The following ALDOC variants were observed in gnomAD, a reference collection of about 807,000 sequenced individuals.
The protein encoded by ALDOC is aldolase, fructose-bisphosphate C.
ALDOC carries 23 observed loss-of-function variants against 39.5 expected under a neutral mutation model. That is an observed-to-expected ratio of 0.58 (90% CI 0.42 to 0.82). The LOEUF (loss-of-function observed/expected upper bound fraction) is 0.82, where lower values mean the gene tolerates loss of function less well. Among genes scored for constraint, ALDOC ranks in the 40% least tolerant of loss-of-function variants. ALDOC has a pLI of 0.00. For missense variants in ALDOC, 356 were observed against 479.1 expected (o/e 0.74, Z 2.40); for synonymous variants, 160 against 182.6 (o/e 0.88, Z 1.00).
Position 28,575,791 on chromosome 17 carries a change from TG to T in ALDOC, c.-12-248del. The T allele has an allele frequency of 1.7e-6, 1 of 586,602 alleles. No individual in the cohort carries two copies. The highest frequency in any genetic ancestry group is 2.8e-6 in the Non-Finnish European group (1 of 361,692). 36.3% of individuals were successfully genotyped at this position (586,602 alleles called of 1,614,324 possible). On this transcript the variant is annotated intron_variant, in intron 1 of 8. Transcript: ENST00000226253. This position sits in a 1 kb window ranked among gnomAD's most constrained non-coding sequence, Gnocchi z 4.3. Reference sequence around the variant, plus strand: ...CCTGGGGAAAGATGCAGGGTGGGGGTGGGGAGGTGAGCAGCCCTGAAGCCAC... The same window carrying T: ...CCTGGGGAAAGATGCAGGGTGGGGGTGGGAGGTGAGCAGCCCTGAAGCCAC...
Position 28,573,490 on chromosome 17 carries a change from A to G in ALDOC, c.*36T>C. Reference sequence around the variant, plus strand: ...TGACTACAAGCAAAAGTGGGTGCAGATGGCTGGGCCAAGGGCTGTGGTATG... The same window carrying G: ...TGACTACAAGCAAAAGTGGGTGCAGGTGGCTGGGCCAAGGGCTGTGGTATG... On this transcript the variant is annotated 3_prime_UTR_variant, in exon 9 of 9. Coordinates refer to ENST00000226253, the MANE Select transcript of ALDOC (RefSeq NM_005165.3). The surrounding 1 kb of genome is among the most constrained non-coding windows in gnomAD (Gnocchi z 4.3). 3 of 1,603,970 alleles carry G rather than the reference A, an allele frequency of 1.9e-6. No homozygotes were observed. The highest frequency in any genetic ancestry group is 2.2e-5 in the South Asian group (2 of 90,912).
Position 28,574,833 on chromosome 17 carries a change from A to G in ALDOC, c.403T>C (p.Cys135Arg), listed in dbSNP as rs770178251. 1 of 1,614,232 alleles carries G rather than the reference A, an allele frequency of 6.2e-7. No individual in the cohort carries two copies. The highest frequency in any genetic ancestry group is 1.7e-5 in the Admixed American group (1 of 60,024). ...GCACCATCCTTCTTGTATTGGGCACAGCGTTCTGAGAGCCCATCCAGCCCT... is the reference window on the plus strand; with the variant it reads ...GCACCATCCTTCTTGTATTGGGCACGGCGTTCTGAGAGCCCATCCAGCCCT... ...TQGLDGLSER[C>R]AQYKKDGADF... is the part of the protein sequence containing the mutation. Residue 135 changes from cysteine to arginine, a missense_variant, in exon 5 of 9, where the codon TGT (cysteine) becomes CGT (arginine). Coordinates refer to ENST00000226253, the MANE Select transcript of ALDOC (RefSeq NM_005165.3).
rs943722717 is a variant in ALDOC, at chr17:28,573,959, C to T, written c.800-25G>A. On this transcript the variant is annotated intron_variant, in intron 7 of 8. Transcript: ENST00000226253. This position sits in a 1 kb window ranked among gnomAD's most constrained non-coding sequence, Gnocchi z 4.3. ...CCTAGTGTGGAGGAGAGAAGACAAA[C>T]TGACTGGTCACTCCCAATTTTTCCA... is the stretch of plus-strand genomic sequence containing the variant. 3.1e-6 allele frequency: 5 copies of T among 1,613,540 alleles called. No individual in the cohort carries two copies. Among genetic ancestry groups the T allele is most frequent in the Non-Finnish European group, 4.2e-6 (5 of 1,179,714 alleles).
Position 28,575,922 on chromosome 17 carries a change from C to T in ALDOC, c.-12-378G>A. 1 of 1,035,360 alleles carries T rather than the reference C, an allele frequency of 9.7e-7. No individual in the cohort carries two copies. The highest frequency in any genetic ancestry group is 1.2e-6 in the Non-Finnish European group (1 of 852,028). 64.1% of individuals were successfully genotyped at this position (1,035,360 alleles called of 1,614,324 possible). ...AAAAGTCCTGGCCTTTCCAGCTTCC[C>T]TTTTCTCATCCTCCACAGGACCCCT... is the stretch of plus-strand genomic sequence containing the variant. On this transcript the variant is annotated intron_variant, in intron 1 of 8. Transcript: ENST00000226253. This position sits in a 1 kb window ranked among gnomAD's most constrained non-coding sequence, Gnocchi z 4.3.
rs919757372 is a variant in ALDOC at position 28,573,486 on chromosome 17, G to A, written c.*40C>T. The A allele has an allele frequency of 4.4e-6, 7 of 1,592,686 alleles. No homozygotes were observed. The East Asian group carries it at 8.9e-5, about 20-fold the overall frequency. On this transcript the variant is annotated 3_prime_UTR_variant, in exon 9 of 9. Coordinates refer to ENST00000226253, the MANE Select transcript of ALDOC (RefSeq NM_005165.3). This position sits in a 1 kb window ranked among gnomAD's most constrained non-coding sequence, Gnocchi z 4.3. ...GCCATGACTACAAGCAAAAGTGGGT[G>A]CAGATGGCTGGGCCAAGGGCTGTGG...
chr17:28,573,364 C>A lies in ALDOC; in HGVS notation c.*162G>T. 1.5e-6 allele frequency: 1 copy of A among 688,772 alleles called. No individual in the cohort carries two copies. Among genetic ancestry groups the A allele is most frequent in the Non-Finnish European group, 2.6e-6 (1 of 384,050 alleles). 42.7% of individuals were successfully genotyped at this position (688,772 alleles called of 1,614,324 possible). Reference sequence around the variant, plus strand: ...CTCCCTATCCTCCCATCCTATGGTCCCAGGTGCAGCAATGAGAGAGGGGAA... The same window carrying A: ...CTCCCTATCCTCCCATCCTATGGTCACAGGTGCAGCAATGAGAGAGGGGAA... On this transcript the variant is annotated 3_prime_UTR_variant, in exon 9 of 9. Transcript: ENST00000226253. This position sits in a 1 kb window ranked among gnomAD's most constrained non-coding sequence, Gnocchi z 4.3.
In ALDOC at chr17:28,575,464, A is replaced by G; in HGVS notation, c.69T>C (p.Ile23=). Residue 23 remains isoleucine, a synonymous_variant, in exon 2 of 9, where the codon ATT becomes ATC. Coordinates refer to ENST00000226253, the MANE Select transcript of ALDOC (RefSeq NM_005165.3). This position sits in a 1 kb window ranked among gnomAD's most constrained non-coding sequence, Gnocchi z 4.3. ...CCAGAATGCCTTTGCCCGGGGCTAC[A>G]ATCCGCAGGGCAATGTCAGACAACT... is the stretch of plus-strand genomic sequence containing the variant. ...KKELSDIALR[I]VAPGKGILAA... 1.9e-6 allele frequency: 3 copies of G among 1,614,250 alleles called. No individual in the cohort carries two copies. Among genetic ancestry groups the G allele is most frequent in the Non-Finnish European group, 2.5e-6 (3 of 1,180,046 alleles).
rs1486328663 is a variant in ALDOC at position 28,573,654 on chromosome 17, G to A, written c.1000-33C>T. On this transcript the variant is annotated intron_variant, in intron 8 of 8. Transcript: ENST00000226253. This position sits in a 1 kb window ranked among gnomAD's most constrained non-coding sequence, Gnocchi z 4.3. ...AGGGAGCGTGGAGTAAGCAGGCTGA[G>A]CCAGCCCACAGGTGCCAAGCCCTGC... 6.2e-7 allele frequency: 1 copy of A among 1,613,862 alleles called. No homozygotes were observed.
chr17:28,574,280 C>T, intron 6 of ALDOC, 39 bp from the exon 7 acceptor site: 1 of 1,561,012 alleles, frequency 6.4e-7, no homozygotes, highest in Non-Finnish European at 8.7e-7. Flanking sequence ...AGGGTCTGGG[C>T]CCCCACTGGT....
chr17:28,574,890 C>A, intron 4 of ALDOC, 34 bp from the exon 5 acceptor site: 1 of 1,614,176 alleles, frequency 6.2e-7, no homozygotes. Flanking sequence ...TTACTCTGCC[C>A]CTCTTTTACC....
In ALDOC at chr17:28,574,822, G is replaced by A; in HGVS notation, c.414C>T (p.Tyr138=). The change falls in exon 5 of 9, where the codon TAC becomes TAT. Residue 138 remains tyrosine, a synonymous_variant. Coordinates refer to ENST00000226253, the MANE Select transcript of ALDOC (RefSeq NM_005165.3). ...LDGLSERCAQ[Y]KKDGADFAKW... ...TGGCAAAGTCAGCACCATCCTTCTT[G>A]TATTGGGCACAGCGTTCTGAGAGCC... The A allele has an allele frequency of 2.5e-6, 4 of 1,614,206 alleles. No individual in the cohort carries two copies. Among genetic ancestry groups the A allele is most frequent in the Non-Finnish European group, 3.4e-6 (4 of 1,180,034 alleles).
intron 4 of ALDOC, 33 bp from the exon 5 acceptor site, chr17:28,574,889 C>G (rs765076877): frequency 5.6e-6 from 9 of 1,614,162 alleles, no homozygotes; most frequent in East Asian, 2.2e-5. Flanking sequence ...ATTACTCTGC[C>G]CCTCTTTTAC....
chr17:28,576,724 C>A (rs1299456995), intron 1 of ALDOC, 77 bp downstream of exon 1: 1 of 927,376 alleles, frequency 1.1e-6, no homozygotes, highest in African/African-American at 1.8e-5. Context: ...TCCCAGGTAG[C>A]AGGACGAGGA....
Position 28,573,359 on chromosome 17 carries a change from T to A in ALDOC, c.*167A>T. The A allele has an allele frequency of 1.5e-6, 1 of 672,644 alleles. No individual in the cohort carries two copies. The highest frequency in any genetic ancestry group is 2.6e-5 in the East Asian group (1 of 38,070). 41.7% of individuals were successfully genotyped at this position (672,644 alleles called of 1,614,324 possible). A position where few individuals can be genotyped will look rare whatever the true frequency, so the allele number is the denominator to read the frequency against. On this transcript the variant is annotated 3_prime_UTR_variant, in exon 9 of 9. Coordinates refer to ENST00000226253, the MANE Select transcript of ALDOC (RefSeq NM_005165.3). The surrounding 1 kb of genome is among the most constrained non-coding windows in gnomAD (Gnocchi z 4.3). ...AGGGGCTCCCTATCCTCCCATCCTA[T>A]GGTCCCAGGTGCAGCAATGAGAGAG...
At position 28,573,731 on chromosome 17, in the gene ALDOC, C is replaced by T. The variant is rs2070453970; in HGVS notation, c.999+4G>A. 5.6e-6 allele frequency: 9 copies of T among 1,614,168 alleles called. 1 individual carries two copies. The South Asian group carries it at 8.8e-5, about 16-fold the overall frequency. ...CCCACCCACCACCACCTGTAGCTCC[C>T]AACCTCAGCCCGCTTGATGAACTCC... On this transcript the variant is annotated splice_donor_region_variant and intron_variant, in intron 8 of 8. Transcript: ENST00000226253. The surrounding 1 kb of genome is among the most constrained non-coding windows in gnomAD (Gnocchi z 4.3).
At chr17:28,574,270 A>G (rs2070460837) in intron 6 of ALDOC, 29 bp from the exon 7 acceptor site, 2 of 1,568,554 alleles carry the variant, frequency 1.3e-6, no homozygotes, top group African/African-American at 1.4e-5. Context: ...AGGTTTACTA[A>G]GGGTCTGGGC....
At position 28,576,847 on chromosome 17, in the gene ALDOC, T is replaced by G. The variant is rs945882548; in HGVS notation, c.-59A>C. 2 of 985,476 alleles carry G rather than the reference T, an allele frequency of 2.0e-6. No individual in the cohort carries two copies. Among genetic ancestry groups the G allele is most frequent in the South Asian group, 4.7e-5 (1 of 21,288 alleles). 61.0% of individuals were successfully genotyped at this position (985,476 alleles called of 1,614,324 possible). On this transcript the variant is annotated 5_prime_UTR_variant, in exon 1 of 9. Transcript: ENST00000226253. The stretch of plus-strand genomic sequence containing the variant: ...CCGCAGCCACAAGCACAGCTCGGGT[T>G]CTGATCCGCAAACAGATGAGGCTGC...
At position 28,573,791 on chromosome 17, in the gene ALDOC, G is replaced by T. The variant is rs755344517; in HGVS notation, c.943C>A (p.Arg315=). The T allele has an allele frequency of 1.2e-6, 2 of 1,614,074 alleles. No individual in the cohort carries two copies. Among genetic ancestry groups the T allele is most frequent in the Non-Finnish European group, 1.7e-6 (2 of 1,180,042 alleles). Residue 315 remains arginine, a synonymous_variant, in exon 8 of 9, where the codon CGA becomes AGA. Coordinates refer to ENST00000226253, the MANE Select transcript of ALDOC (RefSeq NM_005165.3). This position sits in a 1 kb window ranked among gnomAD's most constrained non-coding sequence, Gnocchi z 4.3. The part of the protein sequence containing the change: ...ALQASALNAW[R]GQRDNAGAAT... The stretch of plus-strand genomic sequence containing the variant: ...GCCCCAGCATTGTCCCGTTGCCCTC[G>T]CCAGGCATTGAGTGCAGAGGCTTGC...
In ALDOC at chr17:28,573,274, TA is replaced by T. The variant is rs2070449668; in HGVS notation, c.*251del. On this transcript the variant is annotated 3_prime_UTR_variant, in exon 9 of 9. Coordinates refer to ENST00000226253, the MANE Select transcript of ALDOC (RefSeq NM_005165.3). The surrounding 1 kb of genome is among the most constrained non-coding windows in gnomAD (Gnocchi z 4.3). ...GGAAAATTGTGGGAGCTGGAAGAGG[TA>T]GGGGGAGACCCAGCCATCCTGTTCT... 1 of 556,116 alleles carries T rather than the reference TA, an allele frequency of 1.8e-6. No homozygotes were observed. Among genetic ancestry groups the T allele is most frequent in the Non-Finnish European group, 3.2e-6 (1 of 309,178 alleles). 34.4% of individuals were successfully genotyped at this position (556,116 alleles called of 1,614,324 possible).
Sources: allele counts gnomAD v4.1 joint callset, GRCh38; gene constraint gnomAD v4.1.1; non-coding constraint Gnocchi (gnomAD v3.1); transcripts MANE v1.5; gene names NCBI Gene and HGNC (gene_info 2026-07-23, HGNC 2026-07-21).